PTPRE: variants seen among roughly 807,000 people sequenced by gnomAD.
PTPRE encodes the protein receptor-type tyrosine-protein phosphatase epsilon.
Under a neutral mutation model 102.0 loss-of-function variants are expected in PTPRE, and 51 were observed. The observed-to-expected ratio is 0.50, with a 90% CI of 0.40 to 0.63. The LOEUF (loss-of-function observed/expected upper bound fraction) is 0.63. PTPRE is among the 30% of genes least tolerant of loss of function. The pLI, the probability that PTPRE is intolerant of heterozygous loss-of-function variation, is 0.00. For synonymous variants in PTPRE, 345 were observed against 348.2 expected, an observed-to-expected ratio of 0.99 and a Z score of 0.10; for missense variants, 752 against 915.1, an observed-to-expected ratio of 0.82 and a Z score of 2.30.
intron 2 of PTPRE, among the ~76,000 whole-genome samples, chr10:128,027,851 G>A (rs1477663952): frequency 6.6e-6 from 1 of 152,126 alleles, no homozygotes; most frequent in Non-Finnish European, 1.5e-5. Context: ...TGGTGCCCCT[G>A]ACGTTTGAGC....
At chr10:128,044,024 C>T (rs542699755) in intron 3 of PTPRE, among the ~76,000 whole-genome samples, 11 of 151,988 alleles carry the variant, frequency 7.2e-5, no homozygotes, top group Middle Eastern at 3.2e-3. Flanking sequence ...TTTTACAGTC[C>T]GTGAAGCTGT....
chr10:128,042,752 T>C (rs1332286592), intron 3 of PTPRE, among the ~76,000 whole-genome samples: 1 of 152,242 alleles, frequency 6.6e-6, no homozygotes, highest in African/African-American at 2.4e-5. Context: ...TCGAACAAAA[T>C]ATATTCAGTA....
At chr10:128,041,159 G>C (rs964129661) in intron 3 of PTPRE, among the ~76,000 whole-genome samples, 169 bp downstream of exon 3, 1 of 152,188 alleles carries the variant, frequency 6.6e-6, no homozygotes, top group Non-Finnish European at 1.5e-5. Flanking sequence ...AAATAAGCTA[G>C]TTTAGCATTT....
rs544453524 is a variant in PTPRE, at chr10:128,021,777, C to T, written c.-7-19098C>T. ...CTGCTATGAAGGAGGGAAGACAGGC[C>T]AAAAGGCACAGAAAAAATAATCTTG... On this transcript the variant is annotated intron_variant, in intron 2 of 20. Coordinates refer to ENST00000254667, the MANE Select transcript of PTPRE (RefSeq NM_006504.6). 2.0e-5 allele frequency among the ~76,000 whole-genome samples: 3 copies of T among 152,248 alleles called. No homozygotes were observed. In the South Asian group the frequency reaches 6.2e-4, roughly 32 times the overall value.
At chr10:127,988,703 G>A (rs145987584) in intron 2 of PTPRE, among the ~76,000 whole-genome samples, 83 of 152,262 alleles carry the variant, frequency 5.5e-4, no homozygotes, top group African/African-American at 1.8e-3. Flanking sequence ...GGAGAGCAAG[G>A]GTTGAAAGAC....
rs746402479 is a variant in PTPRE, at chr10:128,010,552, T to TTTTCTTTTC, written c.-8+28260_-8+28268dup. 5.1e-3 allele frequency among the ~76,000 whole-genome samples: 702 copies of TTTTCTTTTC among 137,960 alleles called. 3 individuals are homozygous for TTTTCTTTTC. The highest frequency in any genetic ancestry group is 9.7e-3 in the South Asian group (43 of 4,446). 90.5% of individuals were successfully genotyped at this position (137,960 alleles called of 152,430 possible). On this transcript the variant is annotated intron_variant, in intron 2 of 20. Transcript: ENST00000254667. ...CAACCGTCAAACCCTGTTCCTTTTC[T>TTTTCTTTTC]TTTCTTTTCTTTTCTTTTCTTTTCT...
intron 2 of PTPRE, among the ~76,000 whole-genome samples, chr10:128,005,285 A>C (rs1338296296): frequency 6.6e-6 from 1 of 152,220 alleles, no homozygotes; most frequent in Non-Finnish European, 1.5e-5. Context: ...TGCATCATAA[A>C]GGGAAAGACT....
intron 15 of PTPRE, chr10:128,071,118 C>G: frequency 1.8e-6 from 1 of 561,036 alleles, no homozygotes; most frequent in Non-Finnish European, 3.2e-6. Flanking sequence ...CTGCATGGGT[C>G]TCAGGCAAGC....
intron 5 of PTPRE, among the ~76,000 whole-genome samples, chr10:128,048,319 G>C (rs577549715): frequency 2.0e-5 from 3 of 152,316 alleles, no homozygotes; most frequent in African/African-American, 7.2e-5. Context: ...TTTCGAACTT[G>C]TTGTCGCTAC....
intron 9 of PTPRE, chr10:128,062,839 T>C: frequency 1.7e-6 from 1 of 576,360 alleles, no homozygotes; most frequent in Non-Finnish European, 2.9e-6. Flanking sequence ...CCTGTGAACG[T>C]CATAACTCAA....
chr10:127,927,034 A>G (rs889845397), intron 1 of PTPRE, among the ~76,000 whole-genome samples: 3 of 151,206 alleles, frequency 2.0e-5, no homozygotes, highest in Non-Finnish European at 4.4e-5. Flanking sequence ...CCAGTCTCGA[A>G]CTCCTGACCT....
intron 2 of PTPRE, among the ~76,000 whole-genome samples, chr10:128,001,414 T>C (rs1252881810): frequency 6.6e-6 from 1 of 152,174 alleles, no homozygotes; most frequent in Non-Finnish European, 1.5e-5. Context: ...TTGCATAGTA[T>C]TTTATCCCAG....
At chr10:128,021,617 T>C (rs1361631616) in intron 2 of PTPRE, among the ~76,000 whole-genome samples, 1 of 152,182 alleles carries the variant, frequency 6.6e-6, no homozygotes, top group African/African-American at 2.4e-5. Flanking sequence ...CTCCAAAGCA[T>C]AGAATGCCCC....
chr10:128,019,184 G>T (rs1048441629), intron 2 of PTPRE, among the ~76,000 whole-genome samples: 2 of 152,250 alleles, frequency 1.3e-5, no homozygotes, highest in African/African-American at 4.8e-5. Context: ...AAGCTGAGAG[G>T]CCCGACTTCC....
At chr10:128,000,285 AAG>A (rs1243647967) in intron 2 of PTPRE, among the ~76,000 whole-genome samples, 1 of 152,184 alleles carries the variant, frequency 6.6e-6, no homozygotes, top group Non-Finnish European at 1.5e-5. Context: ...CCTAAAATAA[AAG>A]AGCTAAATTT....
intron 1 of PTPRE, among the ~76,000 whole-genome samples, chr10:127,913,391 C>G (rs975690641): frequency 1.3e-5 from 2 of 152,242 alleles, no homozygotes. Context: ...ACATTAGTCA[C>G]CAGTTTTGTA....
chr10:128,020,219 C>T (rs1845765301), intron 2 of PTPRE, among the ~76,000 whole-genome samples: 1 of 152,190 alleles, frequency 6.6e-6, no homozygotes, highest in East Asian at 1.9e-4. Context: ...TTTAAGCAGC[C>T]CAATGTTGTA....
At chr10:128,074,406 C>T (rs1422540218) in intron 17 of PTPRE, among the ~76,000 whole-genome samples, 1 of 152,232 alleles carries the variant, frequency 6.6e-6, no homozygotes, top group Non-Finnish European at 1.5e-5. Context: ...TTGCTCACAC[C>T]TGTAATCCCA....
At chr10:127,992,811 C>T (rs911824276) in intron 2 of PTPRE, among the ~76,000 whole-genome samples, 1 of 152,234 alleles carries the variant, frequency 6.6e-6, no homozygotes, top group Admixed American at 6.5e-5. Context: ...AATACCTCTT[C>T]AGAAACTCAA....
Sources: gnomAD v4.1 joint callset for allele counts (sites outside exome capture counted in the v4.1 genomes callset) on GRCh38, gnomAD v4.1.1 for gene constraint, MANE v1.5 for transcripts, NCBI Gene and HGNC (gene_info 2026-07-23, HGNC 2026-07-21) for gene names.